The following SLC25A48 variants were observed in gnomAD, a reference collection of about 807,000 sequenced individuals.
SLC25A48 encodes the protein CTC-321K16.1.
A neutral mutation model predicts 32.2 loss-of-function variants in SLC25A48; 29 were observed. That is an observed-to-expected ratio of 0.90 (90% confidence interval 0.67 to 1.23). The LOEUF (loss-of-function observed/expected upper bound fraction) is 1.23. SLC25A48 is among the 50% of genes most tolerant of loss of function. The pLI is 0.00. For synonymous variants in SLC25A48, 164 were observed against 172.3 expected (o/e 0.95, Z 0.38); for missense variants, 399 against 422.7 (o/e 0.94, Z 0.49).
chr5:135,865,111 C>CAGGCCACTT (rs1761086295), intron 4 of SLC25A48, among the ~76,000 whole-genome samples: 1 of 152,208 alleles, frequency 6.6e-6, no homozygotes, highest in South Asian at 2.1e-4. Flanking sequence ...ATGAGGTGGA[C>CAGGCCACTT]AGGCCACTTA....
At chr5:135,680,971 A>G (rs961367809) in intron 3 of SLC25A48, among the ~76,000 whole-genome samples, 1 of 150,778 alleles carries the variant, frequency 6.6e-6, no homozygotes, top group Non-Finnish European at 1.5e-5. Flanking sequence ...TCTGTGTTTC[A>G]TTTTCTTTTT....
At chr5:135,856,685 C>T (rs80333685) in intron 4 of SLC25A48, among the ~76,000 whole-genome samples, 3,184 of 152,308 alleles carry the variant, frequency 0.021, 48 homozygotes, top group Middle Eastern at 0.041. Flanking sequence ...CCTTCATCTT[C>T]AGCATATTGG....
At chr5:135,781,997 C>A (rs151213729) in intron 3 of SLC25A48, among the ~76,000 whole-genome samples, 3,766 of 74,848 alleles carry the variant, frequency 0.05, 1,205 homozygotes, top group Non-Finnish European at 0.11. Context: ...GATATTGTTT[C>A]TAATATCCAG....
intron 1 of SLC25A48, among the ~76,000 whole-genome samples, chr5:135,592,163 C>G (rs1195837244): frequency 6.6e-6 from 1 of 152,158 alleles, no homozygotes; most frequent in East Asian, 1.9e-4. Flanking sequence ...AGGCAAGGAT[C>G]TACGGTGAGA....
At chr5:135,596,155 G>A (rs1300412323) in intron 1 of SLC25A48, among the ~76,000 whole-genome samples, 2 of 152,190 alleles carry the variant, frequency 1.3e-5, no homozygotes, top group Non-Finnish European at 2.9e-5. Flanking sequence ...TGTGTGTATA[G>A]ACATTTCATA....
intron 3 of SLC25A48, among the ~76,000 whole-genome samples, chr5:135,749,132 C>A (rs1755710052): frequency 6.6e-6 from 1 of 152,134 alleles, no homozygotes; most frequent in African/African-American, 2.4e-5. Flanking sequence ...TTAGATCTCT[C>A]TTTTGTCTCT....
intron 1 of SLC25A48, 77 bp downstream of exon 1, chr5:135,834,970 TTGCCTC>T: frequency 1.3e-6 from 2 of 1,505,566 alleles, no homozygotes; most frequent in Non-Finnish European, 1.8e-6. Context: ...TGAGGAAACT[TTGCCTC>T]TGTGCGCTGC....
At chr5:135,660,208 T>C (rs895007547) in intron 3 of SLC25A48, among the ~76,000 whole-genome samples, 2 of 152,228 alleles carry the variant, frequency 1.3e-5, no homozygotes, top group African/African-American at 4.8e-5. Context: ...AGATATCCTC[T>C]ACACACTTTA....
intron 2 of SLC25A48, among the ~76,000 whole-genome samples, chr5:135,846,721 T>A (rs775266506): frequency 3.9e-5 from 6 of 152,124 alleles, no homozygotes. Flanking sequence ...TCAAGATGTA[T>A]CCACTGCATT....
chr5:135,789,421 A>AT (rs1756962212), intron 3 of SLC25A48, among the ~76,000 whole-genome samples: 1 of 150,530 alleles, frequency 6.6e-6, no homozygotes, highest in Non-Finnish European at 1.5e-5. Flanking sequence ...GCCGGGGTGT[A>AT]TACCCCACTG....
At chr5:135,879,607 AGAGAGTGT>A (rs57733280) in intron 6 of SLC25A48, among the ~76,000 whole-genome samples, 8,016 of 138,904 alleles carry the variant, frequency 0.058, 540 homozygotes, top group African/African-American at 0.2. Context: ...AGAGAGAGAG[AGAGAGTGT>A]GTGTGTGTGT....
chr5:135,729,464 T>C (rs987348930), intron 3 of SLC25A48, among the ~76,000 whole-genome samples: 3 of 152,210 alleles, frequency 2.0e-5, no homozygotes, highest in Non-Finnish European at 4.4e-5. Context: ...TCCTCCATGA[T>C]TGATTGCAGG....
chr5:135,635,437 A>G (rs1296894677), intron 3 of SLC25A48, among the ~76,000 whole-genome samples: 2 of 152,242 alleles, frequency 1.3e-5, no homozygotes, highest in African/African-American at 2.4e-5. Context: ...AACAACAGCA[A>G]CAATCCCAGG....
At chr5:135,842,362 T>A in intron 1 of SLC25A48, 54 bp from the exon 2 acceptor site, 3 of 1,589,370 alleles carry the variant, frequency 1.9e-6, no homozygotes, top group Non-Finnish European at 8.6e-7. Flanking sequence ...AGCTGGCTGG[T>A]GTAAGCCAGG....
At chr5:135,790,007 C>A (rs1756983041) in intron 3 of SLC25A48, among the ~76,000 whole-genome samples, 3 of 151,890 alleles carry the variant, frequency 2.0e-5, no homozygotes, top group Admixed American at 2.0e-4. Context: ...TGGGTGTACA[C>A]TCCCTGTGAA....
chr5:135,848,923 G>A (rs1759617787), intron 2 of SLC25A48, among the ~76,000 whole-genome samples: 1 of 152,250 alleles, frequency 6.6e-6, no homozygotes. Context: ...CTCAGGAGAG[G>A]AGTAGGGTGA....
chr5:135,753,689 A>G (rs1455671096), intron 3 of SLC25A48, among the ~76,000 whole-genome samples: 1 of 151,936 alleles, frequency 6.6e-6, no homozygotes, highest in East Asian at 2.0e-4. Context: ...TACAGGGTGT[A>G]CACACAGGAT....
intron 3 of SLC25A48, 31 bp downstream of exon 3, chr5:135,850,527 C>T (rs774611031): frequency 2.2e-5 from 36 of 1,609,118 alleles, no homozygotes; most frequent in Admixed American, 5.0e-5. Context: ...TGGAGTGATG[C>T]CTGCCTGGGC....
chr5:135,786,785 A>G (rs7712090), intron 3 of SLC25A48, among the ~76,000 whole-genome samples: 37,531 of 151,762 alleles, frequency 0.25, 5,042 homozygotes, highest in East Asian at 0.44. Flanking sequence ...TATTTGTAAT[A>G]TCCTCTGGGG....
Sources: allele counts gnomAD v4.1 joint callset (sites outside exome capture counted in the v4.1 genomes callset), GRCh38; gene constraint gnomAD v4.1.1; transcripts MANE v1.5; gene names NCBI Gene and HGNC (gene_info 2026-07-23, HGNC 2026-07-21).